Variants in ACTR3C observed in about 807,000 individuals in gnomAD.
ACTR3C encodes the protein actin related protein 3C.
ACTR3C carries 18 observed loss-of-function variants against 26.3 expected under a neutral mutation model. The ratio of observed to expected loss-of-function variants is 0.68; its 90% CI spans 0.47 to 1.01. The LOEUF is 1.01. Among genes scored for constraint, ACTR3C ranks in the 50% least tolerant of loss-of-function variants. The pLI, the probability that ACTR3C is intolerant of heterozygous loss-of-function variation, is 0.00. For missense variants in ACTR3C, 184 were observed against 250.7 expected (o/e 0.73, Z 1.80); for synonymous variants, 55 against 94.5 (o/e 0.58, Z 2.42).
chr7:150,018,003 G>C, the ACTR3C span, among the ~76,000 whole-genome samples: 102 of 150,272 alleles, frequency 6.8e-4, 5 homozygotes, highest in South Asian at 0.021. Flanking sequence ...ACAGGTAACA[G>C]GTGCCCAATA....
intron 1 of ACTR3C, among the ~76,000 whole-genome samples, chr7:150,305,874 T>C (rs1270750865): frequency 6.6e-6 from 1 of 152,156 alleles, no homozygotes; most frequent in Non-Finnish European, 1.5e-5. Flanking sequence ...TCCTGTGGGG[T>C]CCATCATTTG....
chr7:150,151,062 C>T, the ACTR3C span, among the ~76,000 whole-genome samples: 1 of 73,270 alleles, frequency 1.4e-5, no homozygotes, highest in Admixed American at 1.3e-4. Flanking sequence ...CTATATTTTC[C>T]TTCTAATTAT....
At chr7:150,314,857 C>T (rs1007302767) in intron 1 of ACTR3C, among the ~76,000 whole-genome samples, 15 of 149,762 alleles carry the variant, frequency 1.0e-4, no homozygotes, top group African/African-American at 3.7e-4. Flanking sequence ...AAGGCGGAGG[C>T]GAGCGGCTCA....
chr7:150,027,826 T>TA, the ACTR3C span, among the ~76,000 whole-genome samples: 3 of 152,026 alleles, frequency 2.0e-5, no homozygotes, highest in Admixed American at 1.3e-4. Flanking sequence ...CAAATAAGAA[T>TA]AAAAAATATA....
the ACTR3C span, among the ~76,000 whole-genome samples, chr7:150,150,275 G>A: frequency 7.3e-3 from 1,117 of 152,322 alleles, 6 homozygotes; most frequent in African/African-American, 0.026. Context: ...TTCCCCATAT[G>A]GGTAAGCCAT....
chr7:150,008,260 A>T, the ACTR3C span, among the ~76,000 whole-genome samples: 4 of 152,180 alleles, frequency 2.6e-5, no homozygotes, highest in Non-Finnish European at 5.9e-5. Flanking sequence ...TTTGTAGGGC[A>T]CACAACTTTA....
the ACTR3C span, among the ~76,000 whole-genome samples, chr7:150,131,544 A>C: frequency 6.6e-6 from 1 of 152,210 alleles, no homozygotes; most frequent in Non-Finnish European, 1.5e-5. Flanking sequence ...TCAAGAAAAA[A>C]AATGGCTGAA....
At chr7:150,025,783 G>A in the ACTR3C span, among the ~76,000 whole-genome samples, 13 of 151,944 alleles carry the variant, frequency 8.6e-5, 1 homozygote, top group African/African-American at 2.7e-4. Context: ...CCACTTTTCC[G>A]TATGTTTGGA....
the ACTR3C span, among the ~76,000 whole-genome samples, chr7:150,151,041 A>G: frequency 1.2e-5 from 1 of 80,892 alleles, no homozygotes; most frequent in Non-Finnish European, 2.2e-5. Context: ...TATGTTTATT[A>G]TACAGTAAAA....
chr7:150,108,478 C>T, the ACTR3C span, among the ~76,000 whole-genome samples: 8 of 151,498 alleles, frequency 5.3e-5, no homozygotes, highest in South Asian at 8.3e-4. Context: ...GTAGAGGTGG[C>T]CTTATAGATT....
the ACTR3C span, among the ~76,000 whole-genome samples, chr7:150,054,131 T>C: frequency 6.6e-6 from 1 of 152,236 alleles, no homozygotes; most frequent in Non-Finnish European, 1.5e-5. Flanking sequence ...TAGCAGCGTC[T>C]TCTTTCAAGA....
the ACTR3C span, among the ~76,000 whole-genome samples, chr7:150,116,020 C>T: frequency 7.2e-5 from 11 of 152,166 alleles, no homozygotes; most frequent in Middle Eastern, 3.4e-3. Context: ...TCATAGAAGC[C>T]AAAAATGAGA....
the ACTR3C span, among the ~76,000 whole-genome samples, chr7:150,035,693 C>T: frequency 8.4e-5 from 11 of 130,372 alleles, 1 homozygote; most frequent in East Asian, 9.2e-4. Flanking sequence ...TTAGGATCAG[C>T]GATGGGGGTC....
intron 1 of ACTR3C, among the ~76,000 whole-genome samples, chr7:150,302,034 T>TA (rs886406627): frequency 1.3e-5 from 2 of 150,834 alleles, no homozygotes; most frequent in African/African-American, 4.9e-5. Context: ...TATTTTAGAA[T>TA]AAAAAAAAGT....
chr7:150,086,069 C>T, the ACTR3C span, among the ~76,000 whole-genome samples: 1 of 151,960 alleles, frequency 6.6e-6, no homozygotes, highest in Non-Finnish European at 1.5e-5. Context: ...CTCCGTCTCC[C>T]AGGTTCAAGC....
chr7:150,149,079 G>T, the ACTR3C span, among the ~76,000 whole-genome samples: 2 of 93,176 alleles, frequency 2.1e-5, no homozygotes, highest in African/African-American at 7.8e-5. Flanking sequence ...TAAAGTTTGA[G>T]TATATATATA....
At chr7:150,206,135 T>C in the ACTR3C span, among the ~76,000 whole-genome samples, 1 of 152,210 alleles carries the variant, frequency 6.6e-6, no homozygotes, top group East Asian at 1.9e-4. Context: ...CTGTGATCTC[T>C]GCTGCTCTCC....
At chr7:150,004,628 A>G in the ACTR3C span, 1 of 152,188 alleles carries the variant, frequency 6.6e-6, no homozygotes, top group African/African-American at 2.4e-5. Flanking sequence ...GGAAAACCTT[A>G]CAGACACCAC....
intron 6 of ACTR3C, among the ~76,000 whole-genome samples, chr7:150,279,082 C>A (rs1414441358): frequency 2.0e-5 from 3 of 152,166 alleles, no homozygotes; most frequent in East Asian, 1.9e-4. Flanking sequence ...GCAGGATGAT[C>A]ACTTGAGGCC....
Sources: gnomAD v4.1 joint callset for allele counts (sites outside exome capture counted in the v4.1 genomes callset) on GRCh38, gnomAD v4.1.1 for gene constraint, MANE v1.5 for transcripts, NCBI Gene and HGNC (gene_info 2026-07-23, HGNC 2026-07-21) for gene names.